The following LRRK2 variants were observed in gnomAD, a reference collection of about 807,000 sequenced individuals.
The protein encoded by LRRK2 is leucine rich repeat kinase 2.
In LRRK2, 203 loss-of-function variants were observed where a neutral mutation model predicts 302.6. The observed-to-expected ratio is 0.67, with a 90% CI of 0.60 to 0.75. LRRK2 has a LOEUF of 0.75. Among genes scored for constraint, LRRK2 ranks in the 30% least tolerant of loss-of-function variants. The pLI, the probability that LRRK2 is intolerant of heterozygous loss-of-function variation, is 0.00. For missense variants in LRRK2, 2,830 were observed against 2,951.0 expected, an observed-to-expected ratio of 0.96 and a Z score of 0.95; for synonymous variants, 1,066 against 1,031.9, an observed-to-expected ratio of 1.03 and a Z score of -0.63.
chr12:40,337,743 G>T (rs1001478424), intron 40 of LRRK2, among the ~76,000 whole-genome samples: 1 of 152,168 alleles, frequency 6.6e-6, no homozygotes, highest in African/African-American at 2.4e-5. Flanking sequence ...TCTGCAAAGT[G>T]CATCCAAACT....
intron 27 of LRRK2, 38 bp from the exon 28 acceptor site, chr12:40,305,747 T>C (rs1388753172): frequency 6.3e-7 from 1 of 1,596,404 alleles, no homozygotes; most frequent in African/African-American, 1.3e-5. Context: ...ATTTCTTCCT[T>C]CCCACCAACA....
intron 3 of LRRK2, 88 bp from the exon 4 acceptor site, chr12:40,235,538 A>G (rs1941411397): frequency 2.4e-6 from 2 of 846,200 alleles, no homozygotes; most frequent in Non-Finnish European, 4.0e-6. Flanking sequence ...TGAGAGTAAT[A>G]AAAAATAGGT....
intron 39 of LRRK2, 31 bp from the exon 40 acceptor site, chr12:40,334,936 A>T (rs1945824212): frequency 6.2e-7 from 1 of 1,611,998 alleles, no homozygotes. Flanking sequence ...CTGATGTTGA[A>T]TTACTCTTAC....
chr12:40,336,272 C>T (rs1945866777), intron 40 of LRRK2, among the ~76,000 whole-genome samples: 1 of 152,188 alleles, frequency 6.6e-6, no homozygotes, highest in Admixed American at 6.5e-5. Flanking sequence ...AAAGGATTAT[C>T]TGAATCTTTC....
intron 14 of LRRK2, among the ~76,000 whole-genome samples, chr12:40,273,227 G>A (rs2136596496): frequency 6.6e-6 from 1 of 152,256 alleles, no homozygotes; most frequent in South Asian, 2.1e-4. Flanking sequence ...TTGTCTAACT[G>A]AGTAATTGTT....
chr12:40,230,358 G>A (rs985631747), intron 2 of LRRK2, among the ~76,000 whole-genome samples: 1 of 152,124 alleles, frequency 6.6e-6, no homozygotes, highest in Non-Finnish European at 1.5e-5. Flanking sequence ...CTTATTGGGT[G>A]CATATAGATT....
intron 19 of LRRK2, among the ~76,000 whole-genome samples, chr12:40,284,479 T>C (rs993063203): frequency 1.3e-5 from 2 of 151,222 alleles, no homozygotes; most frequent in Non-Finnish European, 3.0e-5. Flanking sequence ...TTATCTCTTA[T>C]AAGTAATTAA....
At chr12:40,343,750 A>G (rs1337891617) in intron 41 of LRRK2, among the ~76,000 whole-genome samples, 1 of 152,108 alleles carries the variant, frequency 6.6e-6, no homozygotes, top group African/African-American at 2.4e-5. Context: ...TTTTTTATTC[A>G]TTTATTCATT....
chr12:40,352,216 A>G lies in LRRK2; in HGVS notation c.6576+483A>G, dbSNP rs533900882. ...GTAACTTTCAAGGCATTTCTGGGCA[A>G]GCTGCCTCCTGTCATCTGAGGGTAT... On this transcript the variant is annotated intron_variant, in intron 44 of 50. Coordinates refer to ENST00000298910, the MANE Select transcript of LRRK2 (RefSeq NM_198578.4). Among the ~76,000 whole-genome samples the G allele has an allele frequency of 2.7e-5, 4 of 147,698 alleles. No homozygotes were observed. In the South Asian group the frequency reaches 8.4e-4, roughly 31 times the overall value.
At chr12:40,303,925 G>A (rs1565732292) in intron 26 of LRRK2, 23 bp from the exon 27 acceptor site, 4 of 1,610,030 alleles carry the variant, frequency 2.5e-6, no homozygotes, top group Non-Finnish European at 3.4e-6. Flanking sequence ...TTTGGTTTAT[G>A]TCTTTTCTGT....
Position 40,274,933 on chromosome 12 carries a change from G to A in LRRK2, c.1881G>A (p.Leu627=). 6.2e-7 allele frequency: 1 copy of A among 1,613,932 alleles called. No homozygotes were observed. The highest frequency in any genetic ancestry group is 8.5e-7 in the Non-Finnish European group (1 of 1,179,926). ...TGTTCATAGGAACTGGACATCTGCT[G>A]GCAAAAATTCTGGTTTCCAGCTTAT... The part of the protein sequence containing the change: ...KNVFIGTGHL[L]AKILVSSLYR... The change falls in exon 16 of 51, where the codon CTG becomes CTA. Residue 627 remains leucine (L), a synonymous_variant. Coordinates refer to ENST00000298910, the MANE Select transcript of LRRK2 (RefSeq NM_198578.4).
At chr12:40,273,289 A>G (rs1176923819) in intron 14 of LRRK2, among the ~76,000 whole-genome samples, 1 of 152,138 alleles carries the variant, frequency 6.6e-6, no homozygotes, top group African/African-American at 2.4e-5. Flanking sequence ...CCTAAATTTA[A>G]TTGGCCTCCA....
At chr12:40,267,993 A>G (rs1943092550) in intron 14 of LRRK2, among the ~76,000 whole-genome samples, 1 of 152,196 alleles carries the variant, frequency 6.6e-6, no homozygotes, top group Admixed American at 6.6e-5. Flanking sequence ...TAAAGCAGAG[A>G]CTAAGAAGAG....
chr12:40,242,577 T>C (rs1941780162), intron 6 of LRRK2, among the ~76,000 whole-genome samples: 2 of 151,864 alleles, frequency 1.3e-5, no homozygotes, highest in Admixed American at 6.6e-5. Flanking sequence ...TTTGCTGCCT[T>C]GTACATTGGT....
chr12:40,316,441 A>G (rs1045266606), intron 33 of LRRK2: 53 of 571,256 alleles, frequency 9.3e-5, no homozygotes, highest in African/African-American at 6.9e-4. Flanking sequence ...CCTTCTGCAC[A>G]TATGTCATGG....
intron 39 of LRRK2, among the ~76,000 whole-genome samples, chr12:40,330,086 A>T (rs1234868432): frequency 2.0e-5 from 3 of 152,170 alleles, no homozygotes; most frequent in African/African-American, 7.2e-5. Flanking sequence ...TTAATCTATG[A>T]GTTAGTTTCC....
chr12:40,231,374 G>A (rs867253118), intron 2 of LRRK2, among the ~76,000 whole-genome samples: 7 of 118,088 alleles, frequency 5.9e-5, no homozygotes, highest in Admixed American at 1.1e-4. Flanking sequence ...GCAACAGAGC[G>A]AGACCCCTGT....
intron 18 of LRRK2, among the ~76,000 whole-genome samples, chr12:40,278,798 A>C (rs967704653): frequency 6.6e-6 from 1 of 152,088 alleles, no homozygotes; most frequent in Admixed American, 6.6e-5. Flanking sequence ...ACATATATCT[A>C]TCTGATTGTT....
At chr12:40,248,224 G>T (rs1302666142) in intron 7 of LRRK2, among the ~76,000 whole-genome samples, 1 of 152,110 alleles carries the variant, frequency 6.6e-6, no homozygotes, top group Non-Finnish European at 1.5e-5. Flanking sequence ...ACTTGCACAT[G>T]TTACATTAAA....
Sources: allele counts gnomAD v4.1 joint callset (sites outside exome capture counted in the v4.1 genomes callset), GRCh38; gene constraint gnomAD v4.1.1; transcripts MANE v1.5; gene names NCBI Gene and HGNC (gene_info 2026-07-23, HGNC 2026-07-21).